PRKCD: variants seen among roughly 807,000 people sequenced by gnomAD.
PRKCD encodes protein kinase C delta, also known as protein kinase C delta type.
A neutral mutation model predicts 82.2 loss-of-function variants in PRKCD; 20 were observed. That is an observed-to-expected ratio of 0.24 (90% confidence interval 0.17 to 0.35). The LOEUF (loss-of-function observed/expected upper bound fraction) is 0.35. Ranked by LOEUF, PRKCD falls within the 10% of genes least tolerant of loss-of-function variation. The pLI is 1.00. For missense variants in PRKCD, 607 were observed against 899.0 expected, an observed-to-expected ratio of 0.68 and a Z score of 4.15; for synonymous variants, 317 against 337.0, an observed-to-expected ratio of 0.94 and a Z score of 0.65.
chr3:53,191,529 G>C (rs868993363), intron 18 of PRKCD, among the ~76,000 whole-genome samples: 1 of 152,148 alleles, frequency 6.6e-6, no homozygotes, highest in South Asian at 2.1e-4. Context: ...ACCAGCTTGC[G>C]GTCTTTCTAT....
At chr3:53,175,458 G>T (rs1432529329) in intron 2 of PRKCD, among the ~76,000 whole-genome samples, 4 of 152,140 alleles carry the variant, frequency 2.6e-5, no homozygotes, top group African/African-American at 9.7e-5. Context: ...TGAGCCAAGA[G>T]ACTATTGCTC....
chr3:53,180,824 AGTGTGTCT>A (rs1703409495), intron 4 of PRKCD, among the ~76,000 whole-genome samples: 1 of 151,968 alleles, frequency 6.6e-6, no homozygotes, highest in African/African-American at 2.4e-5. Flanking sequence ...CACGAGGATG[AGTGTGTCT>A]GTGTGTCTGT....
intron 9 of PRKCD, among the ~76,000 whole-genome samples, chr3:53,184,473 C>G (rs1344936614): frequency 6.6e-6 from 1 of 151,978 alleles, no homozygotes; most frequent in East Asian, 1.9e-4. Context: ...GTGGGGAGTT[C>G]GAGACCAGCC....
chr3:53,184,783 C>T (rs1703609550), intron 9 of PRKCD, 91 bp from the exon 10 acceptor site: 1 of 1,065,656 alleles, frequency 9.4e-7, no homozygotes, highest in South Asian at 1.3e-5. Flanking sequence ...CTGAAGCCCT[C>T]CTTTCTCTTG....
intron 18 of PRKCD, among the ~76,000 whole-genome samples, chr3:53,190,240 T>C (rs1296790456): frequency 1.3e-5 from 2 of 152,184 alleles, no homozygotes; most frequent in Non-Finnish European, 2.9e-5. Context: ...GAAATAGAGT[T>C]AAGACCTCAC....
chr3:53,176,201 G>A (rs1167179495), intron 2 of PRKCD, among the ~76,000 whole-genome samples: 3 of 152,134 alleles, frequency 2.0e-5, no homozygotes, highest in Non-Finnish European at 4.4e-5. Context: ...CGGGACTTGG[G>A]CTCAGGCATG....
chr3:53,170,606 GGGA>G (rs1702988654), intron 2 of PRKCD, among the ~76,000 whole-genome samples: 2 of 152,232 alleles, frequency 1.3e-5, no homozygotes, highest in African/African-American at 4.8e-5. Context: ...TGGATCAAGA[GGGA>G]CTTTCTTCGT....
In PRKCD at chr3:53,183,596, G is replaced by A. The variant is rs369696959; in HGVS notation, c.787+15G>A. On this transcript the variant is annotated intron_variant, in intron 9 of 18. Transcript: ENST00000330452. ...AAAGTGTGAAGGTGCGTGCCACCCCGCCCCTGGGCTGCAGGAGGGGCACTC... is the reference window on the plus strand; with the variant it reads ...AAAGTGTGAAGGTGCGTGCCACCCCACCCCTGGGCTGCAGGAGGGGCACTC... The A allele has an allele frequency of 2.4e-5, 38 of 1,612,486 alleles. No homozygotes were observed. Among genetic ancestry groups the A allele is most frequent in the African/African-American group, 8.0e-5 (6 of 74,910 alleles).
chr3:53,189,647 A>G lies in PRKCD; in HGVS notation c.1744-226A>G, dbSNP rs76076668. Among the ~76,000 whole-genome samples the G allele has an allele frequency of 2.6e-4, 40 of 152,358 alleles. No homozygotes were observed. In the East Asian group the frequency reaches 7.5e-3, roughly 29 times the overall value. On this transcript the variant is annotated intron_variant, in intron 17 of 18. Coordinates refer to ENST00000330452, the MANE Select transcript of PRKCD (RefSeq NM_006254.4). ...GTGGGCCAGGCAGATAGTAAATAAT[A>G]AAAAGTTCCACCAGCAGAGTCGCAG...
intron 12 of PRKCD, 30 bp downstream of exon 12, chr3:53,186,057 C>A: frequency 6.2e-7 from 1 of 1,613,020 alleles, no homozygotes; most frequent in Non-Finnish European, 8.5e-7. Context: ...CACCTGCTTC[C>A]CACCCCACCC....
chr3:53,183,031 G>C, intron 7 of PRKCD, 90 bp from the exon 8 acceptor site: 3 of 1,329,616 alleles, frequency 2.3e-6, no homozygotes, highest in Non-Finnish European at 3.2e-6. Flanking sequence ...GCTTTGTGTA[G>C]AGGGCTAGAC....
intron 15 of PRKCD, among the ~76,000 whole-genome samples, chr3:53,187,938 G>A (rs1313050108): frequency 1.3e-5 from 2 of 152,134 alleles, no homozygotes; most frequent in Admixed American, 1.3e-4. Flanking sequence ...TGTAATCCCA[G>A]CACTTTGGGA....
At chr3:53,176,228 C>G (rs1181825914) in intron 2 of PRKCD, among the ~76,000 whole-genome samples, 5 of 152,220 alleles carry the variant, frequency 3.3e-5, no homozygotes, top group African/African-American at 4.8e-5. Flanking sequence ...CACACCCACT[C>G]TCACATCCAC....
intron 9 of PRKCD, 38 bp downstream of exon 9, chr3:53,183,619 C>G: frequency 6.2e-7 from 1 of 1,609,020 alleles, no homozygotes; most frequent in Non-Finnish European, 8.5e-7. Flanking sequence ...AGGAGGGGCA[C>G]TCCCAGCTGG....
At chr3:53,175,827 C>T (rs1292671105) in intron 2 of PRKCD, among the ~76,000 whole-genome samples, 1 of 152,226 alleles carries the variant, frequency 6.6e-6, no homozygotes, top group Non-Finnish European at 1.5e-5. Flanking sequence ...GAGCACTCAC[C>T]TGGGTGCTGG....
chr3:53,186,590 C>G lies in PRKCD; in HGVS notation c.1261-14C>G. On this transcript the variant is annotated splice_polypyrimidine_tract_variant and intron_variant, in intron 13 of 18. Coordinates refer to ENST00000330452, the MANE Select transcript of PRKCD (RefSeq NM_006254.4). ...CCTATTCCTCACCCCTGCTCACCAC[C>G]CTTCCCACCCCAGGACCACCTGTTC... 6.2e-7 allele frequency: 1 copy of G among 1,605,364 alleles called. No individual in the cohort carries two copies. Among genetic ancestry groups the G allele is most frequent in the Non-Finnish European group, 8.5e-7 (1 of 1,174,388 alleles).
Position 53,187,346 on chromosome 3 carries a change from T to C in PRKCD, c.1359T>C (p.Tyr453=), listed in dbSNP as rs1575543040. ...ATCCCTCTCTCTTGCCCAGGTTTTA[T>C]GCCGCTGAGATAATGTGTGGACTGC... is the stretch of plus-strand genomic sequence containing the variant. ...GRFELYRATF[Y]AAEIMCGLQF... The change falls in exon 15 of 19, where the codon TAT becomes TAC. Residue 453 remains tyrosine (Y), a synonymous_variant. Transcript: ENST00000330452. 6.2e-7 allele frequency: 1 copy of C among 1,614,170 alleles called. No homozygotes were observed. The highest frequency in any genetic ancestry group is 8.5e-7 in the Non-Finnish European group (1 of 1,180,022).
At chr3:53,179,475 G>T (rs781845704) in intron 3 of PRKCD, 102 bp from the exon 4 acceptor site, 1 of 1,478,350 alleles carries the variant, frequency 6.8e-7, no homozygotes, top group South Asian at 1.1e-5. Context: ...GGCCCTCAAG[G>T]CAGGAGAGTC....
At chr3:53,161,992 C>T (rs79903121) in intron 1 of PRKCD, among the ~76,000 whole-genome samples, 15,058 of 151,404 alleles carry the variant, frequency 0.099, 971 homozygotes, top group East Asian at 0.22. Flanking sequence ...CCAGGCCGCC[C>T]GCCGGGCCTC....
Sources: gnomAD v4.1 joint callset for allele counts (sites outside exome capture counted in the v4.1 genomes callset) on GRCh38, gnomAD v4.1.1 for gene constraint, MANE v1.5 for transcripts, NCBI Gene and HGNC (gene_info 2026-07-23, HGNC 2026-07-21) for gene names.